GALNT16: variants seen among roughly 807,000 people sequenced by gnomAD.
The protein encoded by GALNT16 is polypeptide N-acetylgalactosaminyltransferase 16.
In GALNT16, 40 loss-of-function variants were observed where a neutral mutation model predicts 76.1. The observed-to-expected ratio is 0.53, with a 90% CI of 0.41 to 0.68. GALNT16 has a LOEUF of 0.68. Among genes scored for constraint, GALNT16 ranks in the 30% least tolerant of loss-of-function variants. The probability of loss-of-function intolerance (pLI) is 0.00; values close to 1 mark genes in which losing one functional copy is unlikely to be tolerated. For synonymous variants in GALNT16, 276 were observed against 285.2 expected, an observed-to-expected ratio of 0.97 and a Z score of 0.32; for missense variants, 621 against 731.9, an observed-to-expected ratio of 0.85 and a Z score of 1.75.
the GALNT16 span, among the ~76,000 whole-genome samples, chr14:69,379,235 C>T: frequency 1.3e-5 from 2 of 152,158 alleles, no homozygotes; most frequent in African/African-American, 4.8e-5. Context: ...CCACCGCACC[C>T]GGCCTATTTT....
At chr14:69,364,747 T>G in the GALNT16 span, among the ~76,000 whole-genome samples, 3 of 152,206 alleles carry the variant, frequency 2.0e-5, no homozygotes, top group African/African-American at 7.2e-5. This position sits in a 1 kb window ranked among gnomAD's most constrained non-coding sequence, Gnocchi z 4.2. Flanking sequence ...ATATTCTTCT[T>G]GCTTAGGAGC....
At chr14:69,359,243 A>G (rs1193700220), downstream of GALNT16, 1 of 152,250 alleles carries the variant, frequency 6.6e-6, no homozygotes, top group Non-Finnish European at 1.5e-5. Flanking sequence ...ACAGCACAGA[A>G]CCTGCTTCTC....
intron 1 of GALNT16, among the ~76,000 whole-genome samples, chr14:69,269,501 T>TG (rs2044378799): frequency 2.7e-5 from 4 of 147,784 alleles, no homozygotes; most frequent in Non-Finnish European, 6.1e-5. Context: ...GTGTGTGGCA[T>TG]TTGTGTGTGT....
chr14:69,313,998 G>A (rs2045065340), intron 1 of GALNT16, among the ~76,000 whole-genome samples: 1 of 152,184 alleles, frequency 6.6e-6, no homozygotes, highest in South Asian at 2.1e-4. Flanking sequence ...TCTCAACTTG[G>A]TAGCACATTG....
At chr14:69,270,286 C>T (rs2044391893) in intron 1 of GALNT16, among the ~76,000 whole-genome samples, 1 of 152,104 alleles carries the variant, frequency 6.6e-6, no homozygotes, top group East Asian at 1.9e-4. Flanking sequence ...AAAGGGGCTG[C>T]CCTCAGGAGG....
At chr14:69,290,494 G>T (rs1444904334) in intron 1 of GALNT16, among the ~76,000 whole-genome samples, 1 of 152,232 alleles carries the variant, frequency 6.6e-6, no homozygotes, top group Non-Finnish European at 1.5e-5. Flanking sequence ...GAGACAAGAT[G>T]TTGGCAGGGG....
intron 1 of GALNT16, among the ~76,000 whole-genome samples, chr14:69,309,270 ATCTT>A (rs1286615172): frequency 1.5e-4 from 23 of 150,794 alleles, no homozygotes; most frequent in African/African-American, 5.1e-4. Flanking sequence ...CCTACGTTTC[ATCTT>A]TCTTTCTTTC....
chr14:69,381,240 C>T, the GALNT16 span, among the ~76,000 whole-genome samples: 1 of 152,196 alleles, frequency 6.6e-6, no homozygotes, highest in South Asian at 2.1e-4. Flanking sequence ...CGTGCCACTG[C>T]ACTCCTGTGA....
intron 9 of GALNT16, among the ~76,000 whole-genome samples, chr14:69,336,707 AT>A (rs1324216930): frequency 6.7e-6 from 1 of 149,422 alleles, no homozygotes; most frequent in Non-Finnish European, 1.5e-5. Context: ...TTTATTTTTT[AT>A]TTTTATTTTT....
chr14:69,382,374 A>G, the GALNT16 span, among the ~76,000 whole-genome samples: 2 of 152,244 alleles, frequency 1.3e-5, no homozygotes, highest in Non-Finnish European at 2.9e-5. Flanking sequence ...AGAAGAGACT[A>G]TAACATTTAT....
chr14:69,341,871 G>A, intron 12 of GALNT16, 107 bp downstream of exon 12: 1 of 709,740 alleles, frequency 1.4e-6, no homozygotes. Context: ...CTGGTGATCT[G>A]GCTTTCTAGC....
At chr14:69,328,166 G>T (rs763102582) in intron 5 of GALNT16, among the ~76,000 whole-genome samples, 5 of 152,058 alleles carry the variant, frequency 3.3e-5, no homozygotes, top group Non-Finnish European at 7.3e-5. Flanking sequence ...CACTTTCCAC[G>T]CTCTAAACTG....
chr14:69,336,572 C>T (rs1255078449), intron 9 of GALNT16, among the ~76,000 whole-genome samples: 8 of 152,214 alleles, frequency 5.3e-5, no homozygotes. Flanking sequence ...GACAACTCCC[C>T]TCATCAGCCT....
chr14:69,340,818 G>T (rs1594864440), intron 11 of GALNT16, among the ~76,000 whole-genome samples: 1 of 152,144 alleles, frequency 6.6e-6, no homozygotes, highest in Non-Finnish European at 1.5e-5. Context: ...TTGATCCAAG[G>T]TTGGTTGAAT....
intron 1 of GALNT16, among the ~76,000 whole-genome samples, chr14:69,266,104 C>T (rs1394583273): frequency 1.3e-5 from 2 of 152,334 alleles, no homozygotes; most frequent in Admixed American, 6.5e-5. Flanking sequence ...AGCCCAGGCT[C>T]ATGTCTTCCT....
At chr14:69,385,727 C>A in the GALNT16 span, among the ~76,000 whole-genome samples, 1 of 151,700 alleles carries the variant, frequency 6.6e-6, no homozygotes, top group Non-Finnish European at 1.5e-5. Flanking sequence ...ACACTGAAAT[C>A]TGTAAGCATT....
At chr14:69,325,544 G>C in intron 4 of GALNT16, 140 bp downstream of exon 4, 1 of 678,592 alleles carries the variant, frequency 1.5e-6, no homozygotes, top group Non-Finnish European at 2.7e-6. Context: ...GTCTTTTCTA[G>C]GACCCCTCCC....
upstream of GALNT16, chr14:69,260,095 A>G: frequency 4.3e-6 from 2 of 469,236 alleles, no homozygotes; most frequent in South Asian, 2.0e-5. Context: ...GAAGGGCATT[A>G]GGACCGTGAG....
At chr14:69,314,607 AG>A (rs1434172417) in intron 1 of GALNT16, among the ~76,000 whole-genome samples, 1 of 152,256 alleles carries the variant, frequency 6.6e-6, no homozygotes, top group East Asian at 1.9e-4. Flanking sequence ...AGGCAGGCTC[AG>A]GGAGGCCCTG....
Sources: gnomAD v4.1 joint callset for allele counts (sites outside exome capture counted in the v4.1 genomes callset) on GRCh38, gnomAD v4.1.1 for gene constraint, Gnocchi (gnomAD v3.1) non-coding constraint, MANE v1.5 for transcripts, NCBI Gene and HGNC (gene_info 2026-07-23, HGNC 2026-07-21) for gene names.